CHRM3: variants seen among roughly 807,000 people sequenced by gnomAD.
CHRM3 encodes the protein cholinergic receptor muscarinic 3, also known as muscarinic acetylcholine receptor M3.
In CHRM3, 11 loss-of-function variants were observed where a neutral mutation model predicts 41.8. The ratio of observed to expected loss-of-function variants is 0.26; its 90% CI spans 0.17 to 0.44. The LOEUF is 0.44. Among genes scored for constraint, CHRM3 ranks in the 20% least tolerant of loss-of-function variants. CHRM3 has a pLI of 1.00. For synonymous variants in CHRM3, 297 were observed against 301.4 expected (o/e 0.99, Z 0.15); for missense variants, 571 against 745.4 (o/e 0.77, Z 2.72).
intron 2 of CHRM3, among the ~76,000 whole-genome samples, chr1:239,518,199 C>T (rs1355742874): frequency 6.6e-6 from 1 of 152,220 alleles, no homozygotes; most frequent in East Asian, 1.9e-4. Flanking sequence ...GACTAAGTTA[C>T]TCAAATACAT....
intron 6 of CHRM3, among the ~76,000 whole-genome samples, chr1:239,900,635 C>T (rs1679467155): frequency 6.6e-6 from 1 of 151,910 alleles, no homozygotes; most frequent in Non-Finnish European, 1.5e-5. Flanking sequence ...TTGGGGAGCA[C>T]CAGGAATGTA....
chr1:239,896,840 G>C (rs985844336), intron 6 of CHRM3, among the ~76,000 whole-genome samples: 27 of 152,208 alleles, frequency 1.8e-4, no homozygotes, highest in Admixed American at 2.0e-4. Context: ...CCCTAGGGCA[G>C]AGTCACCCTG....
chr1:239,575,365 A>G (rs1224961471), intron 3 of CHRM3, among the ~76,000 whole-genome samples: 1 of 152,216 alleles, frequency 6.6e-6, no homozygotes, highest in Non-Finnish European at 1.5e-5. Context: ...GACTAAAGCC[A>G]TTAGTCTGTT....
chr1:239,707,557 A>G (rs971792858), intron 5 of CHRM3: 2 of 152,222 alleles, frequency 1.3e-5, no homozygotes, highest in Non-Finnish European at 2.9e-5. Context: ...AAGGAAACAT[A>G]AGGAACAATT....
intron 1 of CHRM3, among the ~76,000 whole-genome samples, chr1:239,475,205 T>C (rs1269183928): frequency 6.6e-6 from 1 of 152,082 alleles, no homozygotes; most frequent in African/African-American, 2.4e-5. Flanking sequence ...ACCATCCATG[T>C]TGTATGTGTG....
intron 3 of CHRM3, among the ~76,000 whole-genome samples, chr1:239,599,847 G>T (rs1665289051): frequency 6.6e-6 from 1 of 152,156 alleles, no homozygotes; most frequent in African/African-American, 2.4e-5. Context: ...TGGTTGTATG[G>T]GTACTCAGAG....
At chr1:239,695,533 C>T (rs61834823) in intron 5 of CHRM3, among the ~76,000 whole-genome samples, 7,917 of 152,152 alleles carry the variant, frequency 0.052, 387 homozygotes, top group African/African-American at 0.12. Context: ...TGATTAAAAC[C>T]ATCCTCCTTA....
intron 1 of CHRM3, among the ~76,000 whole-genome samples, chr1:239,392,186 C>T (rs1558185816): frequency 6.6e-6 from 1 of 152,172 alleles, no homozygotes; most frequent in African/African-American, 2.4e-5. Flanking sequence ...CTCAGTGTGA[C>T]AAACCCTTGG....
At chr1:239,515,402 TG>T (rs1045316358) in intron 2 of CHRM3, among the ~76,000 whole-genome samples, 32 of 140,002 alleles carry the variant, frequency 2.3e-4, no homozygotes, top group African/African-American at 6.5e-4. Flanking sequence ...ATTGTTCACA[TG>T]TTTTTTTTGT....
At chr1:239,708,736 C>CTTTCTTTTTTT (rs1661443669) in intron 5 of CHRM3, among the ~76,000 whole-genome samples, 1 of 48,294 alleles carries the variant, frequency 2.1e-5, no homozygotes, top group Non-Finnish European at 3.5e-5. Context: ...TTTAAATTTT[C>CTTTCTTTTTTT]TTTTTTTTTT....
chr1:239,907,554 A>G lies in CHRM3; in HGVS notation c.103A>G (p.Thr35Ala). The G allele has an allele frequency of 6.2e-7, 1 of 1,613,954 alleles. No homozygotes were observed. The highest frequency in any genetic ancestry group is 8.5e-7 in the Non-Finnish European group (1 of 1,179,990). The change falls in exon 7 of 7, where the codon ACT becomes GCT. Residue 35 changes from threonine to alanine, a missense_variant. By Grantham distance (58) the Thr-to-Ala change is moderately conservative. This residue lies in a region of CHRM3 where 92 missense variants were observed against 76.1 expected (regional missense o/e 1.21). Coordinates refer to ENST00000676153, the MANE Select transcript of CHRM3 (RefSeq NM_001375978.1). The surrounding 1 kb of genome is among the most constrained non-coding windows in gnomAD (Gnocchi z 5.4). ...TGCAGGGCTGCCCCCGGGAACCGTC[A>G]CTCATTTCGGCAGCTACAATGTTTC... ...SDAGLPPGTV[T>A]HFGSYNVSRA... is the part of the protein sequence containing the mutation.
rs1558195617 is a variant in CHRM3, at chr1:239,404,404, G to GAA, written c.-521+17179_-521+17180dup. Among the ~76,000 whole-genome samples, 460 of 57,138 alleles carry GAA rather than the reference G, an allele frequency of 8.1e-3. 1 individual carries two copies. The highest frequency in any genetic ancestry group is 8.7e-3 in the African/African-American group (111 of 12,700). The allele number at this position is 57,138 out of a possible 152,430, so 37.5% of individuals were successfully genotyped here. ...AGAAAGAAAGAAAGAAAGAAAGAAAGAAAGAAAAAGAAAGAAAGAAAGAAA... is the reference window on the plus strand; with the variant it reads ...AGAAAGAAAGAAAGAAAGAAAGAAAGAAAAAGAAAAAGAAAGAAAGAAAGAAA... On this transcript the variant is annotated intron_variant, in intron 1 of 6. Coordinates refer to ENST00000676153, the MANE Select transcript of CHRM3 (RefSeq NM_001375978.1).
chr1:239,407,177 G>A (rs1007984210), intron 1 of CHRM3, among the ~76,000 whole-genome samples: 1 of 151,982 alleles, frequency 6.6e-6, no homozygotes, highest in Non-Finnish European at 1.5e-5. Context: ...TATATAGCTT[G>A]CTTTTTCACT....
chr1:239,497,787 A>G (rs1667978023), intron 2 of CHRM3, among the ~76,000 whole-genome samples: 1 of 152,202 alleles, frequency 6.6e-6, no homozygotes, highest in Non-Finnish European at 1.5e-5. Flanking sequence ...AAATTATTTA[A>G]AACAATTAAG....
intron 6 of CHRM3, among the ~76,000 whole-genome samples, chr1:239,869,445 T>G (rs549728445): frequency 6.6e-6 from 1 of 152,270 alleles, no homozygotes; most frequent in South Asian, 2.1e-4. Context: ...AGTCAGGCAA[T>G]TAGGTGGACA....
At chr1:239,849,116 T>G (rs1674501526) in intron 6 of CHRM3, among the ~76,000 whole-genome samples, 1 of 152,216 alleles carries the variant, frequency 6.6e-6, no homozygotes, top group African/African-American at 2.4e-5. Flanking sequence ...AAAGTGATGA[T>G]GGATAAATGG....
chr1:239,751,370 C>A (rs1665810405), intron 5 of CHRM3, among the ~76,000 whole-genome samples: 1 of 152,032 alleles, frequency 6.6e-6, no homozygotes, highest in Non-Finnish European at 1.5e-5. Flanking sequence ...TATATGCATC[C>A]TTTTTGTTAT....
chr1:239,650,940 G>A (rs1270532675), intron 4 of CHRM3, among the ~76,000 whole-genome samples: 1 of 152,110 alleles, frequency 6.6e-6, no homozygotes, highest in Non-Finnish European at 1.5e-5. Flanking sequence ...TAAAATATGT[G>A]CACATTAATA....
In CHRM3 at chr1:239,908,313, C is replaced by T; in HGVS notation, c.862C>T (p.Arg288Ter). 6.2e-7 allele frequency: 1 copy of T among 1,614,126 alleles called. No individual in the cohort carries two copies. Among genetic ancestry groups the T allele is most frequent in the Non-Finnish European group, 8.5e-7 (1 of 1,180,022 alleles). Reference protein sequence around the residue: ...ENFVHPTGSSRSCSSYELQQQ... With the variant: ...ENFVHPTGSS ...CTTTGTCCACCCCACGGGCAGTTCT[C>T]GAAGCTGCAGCAGTTACGAACTTCA... Residue 288 changes from arginine (R) to a stop codon, truncating the protein, a stop_gained, in exon 7 of 7, where the codon CGA becomes TGA. Transcript: ENST00000676153. LOFTEE classifies it high-confidence loss of function. The surrounding 1 kb of genome is among the most constrained non-coding windows in gnomAD (Gnocchi z 7.2).
Sources: allele counts gnomAD v4.1 joint callset (sites outside exome capture counted in the v4.1 genomes callset), GRCh38; gene constraint gnomAD v4.1.1; regional missense constraint gnomAD v4.1.1; non-coding constraint Gnocchi (gnomAD v3.1); transcripts MANE v1.5; gene names NCBI Gene and HGNC (gene_info 2026-07-23, HGNC 2026-07-21).